Variants in ALS2 observed in about 807,000 individuals in gnomAD.
ALS2 encodes alsin.
ALS2 carries 117 observed loss-of-function variants against 203.4 expected under a neutral mutation model. The observed-to-expected ratio is 0.58, with a 90% CI of 0.50 to 0.67. The LOEUF (loss-of-function observed/expected upper bound fraction) is 0.67, where lower values mean the gene tolerates loss of function less well. Ranked by LOEUF, ALS2 falls within the 30% of genes least tolerant of loss-of-function variation. The pLI is 0.00. For missense variants in ALS2, 1,715 were observed against 1,989.4 expected (o/e 0.86, Z 2.62); for synonymous variants, 718 against 725.9 (o/e 0.99, Z 0.17).
chr2:201,767,115 A>T, intron 3 of ALS2, 114 bp downstream of exon 3: 1 of 1,218,844 alleles, frequency 8.2e-7, no homozygotes, highest in Non-Finnish European at 1.1e-6. Flanking sequence ...TAAAAAAAAA[A>T]GAAAGAAAAA....
At position 201,741,974 on chromosome 2, in the gene ALS2, T is replaced by C. The variant is rs1481783179; in HGVS notation, c.2171-120A>G. On this transcript the variant is annotated intron_variant, in intron 10 of 33. Transcript: ENST00000264276. ...TAACCTGTTGCCATGTGCTCTCAACTAAGGAACCCAAATGATTACAGTATT... is the reference window on the plus strand; with the variant it reads ...TAACCTGTTGCCATGTGCTCTCAACCAAGGAACCCAAATGATTACAGTATT... 3.4e-6 allele frequency: 3 copies of C among 891,256 alleles called. No individual in the cohort carries two copies. In the East Asian group the frequency reaches 7.9e-5, roughly 23 times the overall value. 55.2% of individuals were successfully genotyped at this position (891,256 alleles called of 1,614,324 possible).
rs147811452 is a variant in ALS2, at chr2:201,725,697, CAGA to C, written c.3249-246_3249-244del. Among the ~76,000 whole-genome samples, 885 of 152,296 alleles carry C rather than the reference CAGA, an allele frequency of 5.8e-3. 22 individuals carry two copies. In the East Asian group the frequency reaches 0.065, roughly 11 times the overall value. On this transcript the variant is annotated intron_variant, in intron 19 of 33. Coordinates refer to ENST00000264276, the MANE Select transcript of ALS2 (RefSeq NM_020919.4). ...GTTTTAATCCAACTCCAGTGAAAAACAGAAGACCTGTGTCCTTCACCTATCTCT... is the reference window on the plus strand; with the variant it reads ...GTTTTAATCCAACTCCAGTGAAAAACAGACCTGTGTCCTTCACCTATCTCT...
At chr2:201,728,858 A>C (rs1334936598) in intron 14 of ALS2, among the ~76,000 whole-genome samples, 194 bp downstream of exon 14, 1 of 152,228 alleles carries the variant, frequency 6.6e-6, no homozygotes, top group African/African-American at 2.4e-5. Flanking sequence ...AAGGTGAGTA[A>C]GTCTTCAGAG....
chr2:201,703,070 T>C (rs892042052), intron 33 of ALS2, among the ~76,000 whole-genome samples: 1 of 152,088 alleles, frequency 6.6e-6, no homozygotes, highest in African/African-American at 2.4e-5. Flanking sequence ...GAGTCGAGAT[T>C]GCACCACTGC....
At position 201,720,063 on chromosome 2, in the gene ALS2, G is replaced by A. The variant is rs1423778065; in HGVS notation, c.3703-1853C>T. Reference sequence around the variant, plus strand: ...AAAGAAGAAATAATACCAAAGCTTCGCAAACTTTCAGAAAATAGGGGAGGA... The same window carrying A: ...AAAGAAGAAATAATACCAAAGCTTCACAAACTTTCAGAAAATAGGGGAGGA... On this transcript the variant is annotated intron_variant, in intron 23 of 33. Coordinates refer to ENST00000264276, the MANE Select transcript of ALS2 (RefSeq NM_020919.4). 9 of 385,444 alleles carry A rather than the reference G, an allele frequency of 2.3e-5. No homozygotes were observed. In the East Asian group the frequency reaches 2.7e-4, roughly 12 times the overall value. 23.9% of individuals were successfully genotyped at this position (385,444 alleles called of 1,614,324 possible).
rs376669606 is a variant in ALS2, at chr2:201,705,217, G to A, written c.4627-17C>T. Reference sequence around the variant, plus strand: ...TGGCAAAACCTGCAAAAAAGAGAGTGAAGGTCAAGGAGGAAAACTATTTTC... The same window carrying A: ...TGGCAAAACCTGCAAAAAAGAGAGTAAAGGTCAAGGAGGAAAACTATTTTC... On this transcript the variant is annotated splice_polypyrimidine_tract_variant and intron_variant, in intron 30 of 33. Coordinates refer to ENST00000264276, the MANE Select transcript of ALS2 (RefSeq NM_020919.4). 6.2e-6 allele frequency: 10 copies of A among 1,612,776 alleles called. No homozygotes were observed. The African/African-American group carries it at 1.2e-4, about 19-fold the overall frequency.
rs1384177985 is a variant in ALS2 at position 201,701,676 on chromosome 2, A to G, written c.*175T>C. On this transcript the variant is annotated 3_prime_UTR_variant, in exon 34 of 34. Transcript: ENST00000264276. ...TTTCAATCCTCCCTTTAAACTATACAGTCCTTTTTTCTGGGCTCAGGGCTC... is the reference window on the plus strand; with the variant it reads ...TTTCAATCCTCCCTTTAAACTATACGGTCCTTTTTTCTGGGCTCAGGGCTC... The G allele has an allele frequency of 3.1e-6, 2 of 644,732 alleles. No individual in the cohort carries two copies. Among genetic ancestry groups the G allele is most frequent in the African/African-American group, 3.7e-5 (2 of 54,484 alleles). The allele number at this position is 644,732 out of a possible 1,614,324, so 39.9% of individuals were successfully genotyped here.
chr2:201,724,765 A>G (rs562069942), intron 20 of ALS2, among the ~76,000 whole-genome samples: 3 of 152,348 alleles, frequency 2.0e-5, no homozygotes, highest in African/African-American at 7.2e-5. Flanking sequence ...TTAGAATCCT[A>G]TATGTCTTAT....
intron 1 of ALS2, chr2:201,780,192 T>A (rs1694833231): frequency 1.3e-5 from 2 of 152,212 alleles, no homozygotes. Context: ...CAGTCTACTG[T>A]TGCCTGTCTC....
At chr2:201,732,984 G>A (rs1691668220) in intron 13 of ALS2, among the ~76,000 whole-genome samples, 1 of 152,124 alleles carries the variant, frequency 6.6e-6, no homozygotes, top group South Asian at 2.1e-4. Context: ...AATAAATTTT[G>A]ACAACTACTG....
intron 24 of ALS2, among the ~76,000 whole-genome samples, 189 bp downstream of exon 24, chr2:201,717,888 C>T (rs1322451158): frequency 6.6e-6 from 1 of 151,976 alleles, no homozygotes; most frequent in African/African-American, 2.4e-5. Context: ...TGCAGTGAGC[C>T]ATGATCATGC....
chr2:201,719,540 C>G (rs1385834365), intron 23 of ALS2, among the ~76,000 whole-genome samples: 6 of 151,958 alleles, frequency 3.9e-5, no homozygotes, highest in African/African-American at 1.5e-4. Flanking sequence ...AGTGAGCTGA[C>G]ATCATGCCAC....
intron 29 of ALS2, among the ~76,000 whole-genome samples, chr2:201,705,766 A>T (rs961159508): frequency 1.2e-4 from 16 of 129,082 alleles, no homozygotes; most frequent in South Asian, 7.3e-4. Flanking sequence ...AGCACAAAAT[A>T]AAAAAAAAGC....
In ALS2 at chr2:201,741,993, C is replaced by G. The variant is rs941954096; in HGVS notation, c.2171-139G>C. On this transcript the variant is annotated intron_variant, in intron 10 of 33. Coordinates refer to ENST00000264276, the MANE Select transcript of ALS2 (RefSeq NM_020919.4). ...CTCAACTAAGGAACCCAAATGATTA[C>G]AGTATTAAAGCAACCTCAAAGATCA... is the stretch of plus-strand genomic sequence containing the variant. 20 of 787,006 alleles carry G rather than the reference C, an allele frequency of 2.5e-5. No homozygotes were observed. In the Admixed American group the frequency reaches 4.2e-4, roughly 17 times the overall value. 48.8% of individuals were successfully genotyped at this position (787,006 alleles called of 1,614,324 possible).
rs11392576 is a variant in ALS2 at position 201,727,046 on chromosome 2, TA to T, written c.2979+165del. Among the ~76,000 whole-genome samples the T allele has an allele frequency of 1.9e-3, 283 of 147,180 alleles. 3 individuals carry two copies. Among genetic ancestry groups the T allele is most frequent in the African/African-American group, 6.1e-3 (244 of 40,308 alleles). ...CTATATGTTTAAAATTAAGTCACAT[TA>T]AAAAAAAAAACAATGAAGAACCTAC... On this transcript the variant is annotated intron_variant, in intron 17 of 33. Transcript: ENST00000264276.
chr2:201,753,290 G>C, intron 6 of ALS2, 48 bp from the exon 7 acceptor site: 1 of 1,463,200 alleles, frequency 6.8e-7, no homozygotes, highest in East Asian at 2.3e-5. Context: ...TTCTCAGCAA[G>C]AATCGTAGCC....
chr2:201,769,876 T>C (rs1432395287), intron 1 of ALS2, among the ~76,000 whole-genome samples: 1 of 152,200 alleles, frequency 6.6e-6, no homozygotes, highest in Non-Finnish European at 1.5e-5. Context: ...GGTCCATCTG[T>C]TTCCTCCAGG....
chr2:201,729,635 C>T (rs1300497826), intron 13 of ALS2, among the ~76,000 whole-genome samples: 2 of 152,064 alleles, frequency 1.3e-5, no homozygotes, highest in Non-Finnish European at 2.9e-5. Context: ...AATCCCAGCA[C>T]TTTGGGAGGC....
chr2:201,712,008 G>C (rs1203855136), intron 25 of ALS2, among the ~76,000 whole-genome samples: 1 of 152,068 alleles, frequency 6.6e-6, no homozygotes, highest in Non-Finnish European at 1.5e-5. Flanking sequence ...TTCTTCTACT[G>C]ATAGAGTAGA....
Sources: gnomAD v4.1 joint callset for allele counts (sites outside exome capture counted in the v4.1 genomes callset) on GRCh38, gnomAD v4.1.1 for gene constraint, MANE v1.5 for transcripts, NCBI Gene and HGNC (gene_info 2026-07-23, HGNC 2026-07-21) for gene names.